The following CDH7 variants were observed in gnomAD, a reference collection of about 807,000 sequenced individuals.
The protein encoded by CDH7 is cadherin-7.
In CDH7, 25 loss-of-function variants were observed where a neutral mutation model predicts 71.8. The ratio of observed to expected loss-of-function variants is 0.35; its 90% CI spans 0.25 to 0.49. CDH7 has a LOEUF of 0.49. Ranked by LOEUF, CDH7 falls within the 20% of genes least tolerant of loss-of-function variation. CDH7 has a pLI of 0.99. For synonymous variants in CDH7, 381 were observed against 363.8 expected, an observed-to-expected ratio of 1.05 and a Z score of -0.54; for missense variants, 862 against 974.6, an observed-to-expected ratio of 0.88 and a Z score of 1.54.
chr18:65,808,597 C>G (rs1044640433), intron 2 of CDH7, among the ~76,000 whole-genome samples: 17 of 152,184 alleles, frequency 1.1e-4, no homozygotes, highest in Non-Finnish European at 2.5e-4. Context: ...GAATCACTTA[C>G]AGAAATTCAA....
chr18:65,864,999 CTT>C (rs1203164768), intron 11 of CDH7, among the ~76,000 whole-genome samples: 1 of 150,916 alleles, frequency 6.6e-6, no homozygotes, highest in Non-Finnish European at 1.5e-5. Context: ...GTGTGGAAGA[CTT>C]TTTAAGTTTG....
intron 7 of CDH7, among the ~76,000 whole-genome samples, chr18:65,853,678 A>G (rs942241376): frequency 6.6e-6 from 1 of 151,768 alleles, no homozygotes; most frequent in Non-Finnish European, 1.5e-5. Flanking sequence ...TCTTTGACAA[A>G]GTGTCCCATC....
rs1368445281 is a variant in CDH7, at chr18:65,862,718, A to G, written c.1665A>G (p.Gln555=). 2 of 1,614,148 alleles carry G rather than the reference A, an allele frequency of 1.2e-6. No homozygotes were observed. Among genetic ancestry groups the G allele is most frequent in the East Asian group, 2.2e-5 (1 of 44,864 alleles). The change falls in exon 11 of 12, where the codon CAA becomes CAG. Residue 555 remains glutamine, a synonymous_variant. Transcript: ENST00000397968. ...TRRNGFRRQE[Q]SVYYLPIFIV... is the part of the protein sequence containing the mutation. ...GAAACGGCTTCCGGAGACAGGAACA[A>G]TCAGTTTACTATCTGCCAATTTTCA...
At chr18:65,784,855 ATTCTT>A (rs1294965266) in intron 2 of CDH7, among the ~76,000 whole-genome samples, 2 of 152,070 alleles carry the variant, frequency 1.3e-5, no homozygotes, top group Non-Finnish European at 2.9e-5. Flanking sequence ...CCTATTACGA[ATTCTT>A]TTCTGTGTCT....
chr18:65,801,585 G>A (rs1911126247), intron 2 of CDH7, among the ~76,000 whole-genome samples: 2 of 152,178 alleles, frequency 1.3e-5, no homozygotes, highest in Admixed American at 1.3e-4. Context: ...TAGTTAGTAA[G>A]TTTAAGAGTT....
intron 2 of CDH7, among the ~76,000 whole-genome samples, chr18:65,809,038 G>A (rs1347326604): frequency 6.6e-6 from 1 of 152,178 alleles, no homozygotes; most frequent in Non-Finnish European, 1.5e-5. Context: ...ATCTAATGCA[G>A]TTCTGGGTAT....
At position 65,830,055 on chromosome 18, in the gene CDH7, T is replaced by G. The variant is rs1912282534; in HGVS notation, c.981+5224T>G. 3.3e-5 allele frequency among the ~76,000 whole-genome samples: 5 copies of G among 152,220 alleles called. No individual in the cohort carries two copies. The South Asian group carries it at 1.0e-3, about 32-fold the overall frequency. On this transcript the variant is annotated intron_variant, in intron 6 of 11. Transcript: ENST00000397968. ...GTTGAATAGTGGATTCATAACAATGTTTTTCTCAGGTAGACAAGAGAAAGT... is the reference window on the plus strand; with the variant it reads ...GTTGAATAGTGGATTCATAACAATGGTTTTCTCAGGTAGACAAGAGAAAGT...
intron 2 of CDH7, among the ~76,000 whole-genome samples, chr18:65,780,373 C>T (rs535967765): frequency 8.1e-6 from 1 of 123,272 alleles, no homozygotes; most frequent in Admixed American, 7.8e-5. Context: ...ACATGAAGTC[C>T]TTGCCCACGC....
chr18:65,810,093 AAC>A (rs1471085566), intron 3 of CDH7, 95 bp downstream of exon 3: 1 of 1,053,448 alleles, frequency 9.5e-7, no homozygotes, highest in African/African-American at 1.6e-5. Flanking sequence ...AAAAAAAAAA[AAC>A]CTTACTAGTA....
chr18:65,834,158 A>G (rs1451275818), intron 6 of CDH7, among the ~76,000 whole-genome samples: 1 of 152,236 alleles, frequency 6.6e-6, no homozygotes, highest in Non-Finnish European at 1.5e-5. Context: ...GAAGGTTAAA[A>G]GGAGAATTTA....
rs988619034 is a variant in CDH7, at chr18:65,883,164, A to G, written c.*2270A>G. 3.3e-5 allele frequency: 5 copies of G among 152,018 alleles called. No homozygotes were observed. Among genetic ancestry groups the G allele is most frequent in the African/African-American group, 1.2e-4 (5 of 41,422 alleles). The allele number at this position is 152,018 out of a possible 1,614,324, so 9.4% of individuals were successfully genotyped here. A position where few individuals can be genotyped will look rare whatever the true frequency, so the allele number is the denominator to read the frequency against. Reference sequence around the variant, plus strand: ...AATTTAAAATTATTGCATATACCCAATTGCTATTTATGTGTGGATGATTAT... The same window carrying G: ...AATTTAAAATTATTGCATATACCCAGTTGCTATTTATGTGTGGATGATTAT... On this transcript the variant is annotated 3_prime_UTR_variant, in exon 12 of 12. Coordinates refer to ENST00000397968, the MANE Select transcript of CDH7 (RefSeq NM_004361.5).
intron 1 of CDH7, among the ~76,000 whole-genome samples, chr18:65,752,587 C>T (rs113032608): frequency 6.4e-4 from 97 of 152,250 alleles, no homozygotes; most frequent in African/African-American, 2.2e-3. Context: ...CATGAAGAAT[C>T]CTTTTCTTTA....
Position 65,814,578 on chromosome 18 carries a change from C to T in CDH7, c.599C>T (p.Pro200Leu), listed in dbSNP as rs752759116. The change falls in exon 4 of 12, where the codon CCG becomes CTG. Residue 200 changes from proline to leucine, a missense_variant. By Grantham distance (98) the Pro-to-Leu change is moderately conservative (BLOSUM62 -3). Transcript: ENST00000397968. ...GTCTACAGTATTCTGCAAGGACAGC[C>T]GTACTTCTCAGTGGAGCCAAAGACA... ...RVVYSILQGQPYFSVEPKTGV... is the reference protein window; with the variant it reads ...RVVYSILQGQLYFSVEPKTGV... The T allele has an allele frequency of 3.7e-6, 6 of 1,612,872 alleles. No individual in the cohort carries two copies. The highest frequency in any genetic ancestry group is 1.3e-5 in the African/African-American group (1 of 74,800).
At chr18:65,774,744 G>C (rs1451751600) in intron 2 of CDH7, among the ~76,000 whole-genome samples, 2 of 152,086 alleles carry the variant, frequency 1.3e-5, no homozygotes, top group Non-Finnish European at 2.9e-5. Flanking sequence ...GAGAGGTCTG[G>C]ATTTGAATGA....
intron 7 of CDH7, among the ~76,000 whole-genome samples, chr18:65,847,045 TA>T (rs2144000017): frequency 6.6e-6 from 1 of 152,286 alleles, no homozygotes; most frequent in East Asian, 1.9e-4. Context: ...CGTATTCCAA[TA>T]GATATAACAT....
intron 2 of CDH7, among the ~76,000 whole-genome samples, chr18:65,802,649 G>C: frequency 6.6e-6 from 1 of 152,148 alleles, no homozygotes; most frequent in East Asian, 1.9e-4. Flanking sequence ...CCCTCAAGTA[G>C]AGAACATGAA....
At chr18:65,867,318 A>G (rs1464211090) in intron 11 of CDH7, among the ~76,000 whole-genome samples, 1 of 152,152 alleles carries the variant, frequency 6.6e-6, no homozygotes, top group Non-Finnish European at 1.5e-5. Flanking sequence ...TACAGGCGTG[A>G]GCCACCGTGC....
rs1914250634 is a variant in CDH7 at position 65,882,148 on chromosome 18, C to G, written c.*1254C>G. 6.6e-6 allele frequency: 1 copy of G among 152,046 alleles called. No individual in the cohort carries two copies. Among genetic ancestry groups the G allele is most frequent in the South Asian group, 2.1e-4 (1 of 4,826 alleles). The allele number at this position is 152,046 out of a possible 1,614,324, so 9.4% of individuals were successfully genotyped here. A position where few individuals can be genotyped will look rare whatever the true frequency, so the allele number is the denominator to read the frequency against. On this transcript the variant is annotated 3_prime_UTR_variant, in exon 12 of 12. Transcript: ENST00000397968. ...AAAAATTAAAATCCATCTTTAAATTCTGATGCAAATATGTCCCTCAAGAAT... is the reference window on the plus strand; with the variant it reads ...AAAAATTAAAATCCATCTTTAAATTGTGATGCAAATATGTCCCTCAAGAAT...
chr18:65,819,493 T>C (rs901477721), intron 4 of CDH7, among the ~76,000 whole-genome samples: 18 of 152,138 alleles, frequency 1.2e-4, no homozygotes, highest in Admixed American at 1.1e-3. Flanking sequence ...TTAGTATCAC[T>C]TACCTCTTGA....
Sources: allele counts gnomAD v4.1 joint callset (sites outside exome capture counted in the v4.1 genomes callset), GRCh38; gene constraint gnomAD v4.1.1; transcripts MANE v1.5; gene names NCBI Gene and HGNC (gene_info 2026-07-23, HGNC 2026-07-21).